The following ADAMTSL1 variants were observed in gnomAD, a reference collection of about 807,000 sequenced individuals.
ADAMTSL1 encodes the protein ADAMTS-like protein 1.
ADAMTSL1 carries 126 observed loss-of-function variants against 201.8 expected under a neutral mutation model. The ratio of observed to expected loss-of-function variants is 0.62; its 90% confidence interval spans 0.54 to 0.72. The LOEUF (loss-of-function observed/expected upper bound fraction) is 0.72. Among genes scored for constraint, ADAMTSL1 ranks in the 30% least tolerant of loss-of-function variants. The pLI, the probability that ADAMTSL1 is intolerant of heterozygous loss-of-function variation, is 0.00. For synonymous variants in ADAMTSL1, 1,121 were observed against 903.4 expected (o/e 1.24, Z -4.32); for missense variants, 2,679 against 2,277.8 (o/e 1.18, Z -3.59).
intron 23 of ADAMTSL1, among the ~76,000 whole-genome samples, chr9:18,869,674 A>G (rs186565892): frequency 2.0e-5 from 3 of 152,258 alleles, no homozygotes; most frequent in East Asian, 3.9e-4. Flanking sequence ...TTCCTATAAG[A>G]GGTCAACCAT....
chr9:18,155,735 G>A (rs146238824), intron 1 of ADAMTSL1, among the ~76,000 whole-genome samples: 164 of 152,090 alleles, frequency 1.1e-3, no homozygotes, highest in African/African-American at 3.3e-3. Context: ...AGTTACCATC[G>A]TTTCCTTGGC....
chr9:18,692,013 T>C (rs1392399398), intron 13 of ADAMTSL1, among the ~76,000 whole-genome samples: 1 of 152,202 alleles, frequency 6.6e-6, no homozygotes, highest in Admixed American at 6.5e-5. Flanking sequence ...ATACATCTTG[T>C]ATCTAATGGC....
At chr9:18,182,319 A>G (rs1019034791) in intron 2 of ADAMTSL1, among the ~76,000 whole-genome samples, 1 of 152,166 alleles carries the variant, frequency 6.6e-6, no homozygotes, top group Non-Finnish European at 1.5e-5. Context: ...GATAGTGGTC[A>G]TGATTACACA....
At chr9:18,132,581 G>A (rs946334457) in intron 1 of ADAMTSL1, among the ~76,000 whole-genome samples, 4 of 152,168 alleles carry the variant, frequency 2.6e-5, no homozygotes, top group Non-Finnish European at 5.9e-5. Flanking sequence ...GTACTCACCA[G>A]CTCTTCATTC....
At chr9:18,698,288 A>T (rs1831686325) in intron 13 of ADAMTSL1, among the ~76,000 whole-genome samples, 1 of 149,958 alleles carries the variant, frequency 6.7e-6, no homozygotes, top group South Asian at 2.1e-4. Context: ...CAATATTTTA[A>T]TTTTTTTTTT....
At chr9:18,564,737 C>T (rs1007480679) in intron 3 of ADAMTSL1, among the ~76,000 whole-genome samples, 10 of 152,018 alleles carry the variant, frequency 6.6e-5, no homozygotes, top group Non-Finnish European at 1.2e-4. Context: ...TGGGAGAGAA[C>T]ACTTATTTTA....
At chr9:18,068,175 C>T (rs1822794395) in intron 1 of ADAMTSL1, among the ~76,000 whole-genome samples, 1 of 152,066 alleles carries the variant, frequency 6.6e-6, no homozygotes. Flanking sequence ...TAGAAATGGA[C>T]TGTTTATTAA....
chr9:18,145,737 G>C (rs1226503396), intron 1 of ADAMTSL1, among the ~76,000 whole-genome samples: 1 of 152,096 alleles, frequency 6.6e-6, no homozygotes, highest in African/African-American at 2.4e-5. Flanking sequence ...ATCCATGAAA[G>C]AAAATTTATA....
chr9:18,303,640 G>A (rs1833789739), intron 2 of ADAMTSL1, among the ~76,000 whole-genome samples: 1 of 152,168 alleles, frequency 6.6e-6, no homozygotes, highest in African/African-American at 2.4e-5. Flanking sequence ...AGAAGAGAAT[G>A]ACAAGAGTCA....
chr9:18,282,105 C>T (rs1281550884), intron 2 of ADAMTSL1, among the ~76,000 whole-genome samples: 3 of 152,060 alleles, frequency 2.0e-5, no homozygotes, highest in African/African-American at 4.8e-5. Context: ...TCAATCCTTC[C>T]CCCGCTTTTA....
intron 2 of ADAMTSL1, among the ~76,000 whole-genome samples, chr9:18,277,058 A>G (rs932341959): frequency 1.3e-5 from 2 of 152,134 alleles, no homozygotes; most frequent in South Asian, 2.1e-4. Flanking sequence ...ATTTTCCAAG[A>G]TTTCTCTTGT....
In ADAMTSL1 at chr9:18,336,391, G is replaced by GA. The variant is rs57263237; in HGVS notation, c.208-168430dup. Among the ~76,000 whole-genome samples the GA allele has an allele frequency of 3.7e-3, 565 of 150,778 alleles. 4 individuals are homozygous for GA. The highest frequency in any genetic ancestry group is 0.013 in the African/African-American group (533 of 41,112). ...CCATGAATAGATCTAAGCTGAAGTG[G>GA]AAAAAAAAGTGATCTGAATATGTAA... On this transcript the variant is annotated intron_variant, in intron 2 of 29. Transcript: ENST00000680146.
chr9:18,377,776 C>G (rs1837367979), intron 2 of ADAMTSL1, among the ~76,000 whole-genome samples: 1 of 152,142 alleles, frequency 6.6e-6, no homozygotes, highest in African/African-American at 2.4e-5. Context: ...CCATGTTGGC[C>G]AGGCTGGTCT....
intron 1 of ADAMTSL1, among the ~76,000 whole-genome samples, chr9:18,099,608 ATTTC>A (rs768867913): frequency 1.7e-5 from 2 of 114,826 alleles, no homozygotes; most frequent in Non-Finnish European, 3.9e-5. Context: ...AATCAATTTT[ATTTC>A]TTTCTTCCTT....
chr9:18,333,189 G>C (rs990977557), intron 2 of ADAMTSL1, among the ~76,000 whole-genome samples: 1 of 152,074 alleles, frequency 6.6e-6, no homozygotes, highest in Non-Finnish European at 1.5e-5. Flanking sequence ...AAGTGATATG[G>C]TTTGGCTGTG....
intron 2 of ADAMTSL1, among the ~76,000 whole-genome samples, chr9:18,270,582 T>G (rs1832318133): frequency 6.6e-6 from 1 of 152,212 alleles, no homozygotes; most frequent in South Asian, 2.1e-4. Context: ...TTATTAATAT[T>G]TTTATAATAA....
At chr9:18,215,679 A>G (rs56142569) in intron 2 of ADAMTSL1, among the ~76,000 whole-genome samples, 1 of 152,226 alleles carries the variant, frequency 6.6e-6, no homozygotes, top group Non-Finnish European at 1.5e-5. Flanking sequence ...TAACTTTTAG[A>G]CTATTTAGGT....
At chr9:18,846,363 T>A (rs1175488626) in intron 23 of ADAMTSL1, among the ~76,000 whole-genome samples, 2 of 152,118 alleles carry the variant, frequency 1.3e-5, no homozygotes, top group Non-Finnish European at 2.9e-5. Context: ...ACTGGAAGAC[T>A]GGATAGAGGT....
At chr9:18,300,378 G>A (rs905522318) in intron 2 of ADAMTSL1, among the ~76,000 whole-genome samples, 2 of 150,448 alleles carry the variant, frequency 1.3e-5, no homozygotes, top group African/African-American at 2.5e-5. Flanking sequence ...ACCAAACACC[G>A]CACGTCCTCA....
Sources: gnomAD v4.1 joint callset for allele counts (sites outside exome capture counted in the v4.1 genomes callset) on GRCh38, gnomAD v4.1.1 for gene constraint, MANE v1.5 for transcripts, NCBI Gene and HGNC (gene_info 2026-07-23, HGNC 2026-07-21) for gene names.